ANKRD36B: variants seen among roughly 807,000 people sequenced by gnomAD.
ANKRD36B encodes ankyrin repeat domain-containing protein 36B.
Under a neutral mutation model 135.7 loss-of-function variants are expected in ANKRD36B, and 37 were observed. The observed-to-expected ratio is 0.27, with a 90% CI of 0.21 to 0.36. ANKRD36B has a LOEUF of 0.36. Ranked by LOEUF, ANKRD36B falls within the 10% of genes least tolerant of loss-of-function variation. The pLI is 1.00. For missense variants in ANKRD36B, 549 were observed against 1,037.1 expected (o/e 0.53, Z 6.46); for synonymous variants, 179 against 348.1 (o/e 0.51, Z 5.41).
chr2:97,572,928 TTTTTTTATAC>T (rs1194867246), intron 6 of ANKRD36B, among the ~76,000 whole-genome samples: 1 of 151,980 alleles, frequency 6.6e-6, no homozygotes, highest in East Asian at 1.9e-4. Flanking sequence ...TCTTTTTTTT[TTTTTTTATAC>T]TTTTAGAGTA....
intron 8 of ANKRD36B, among the ~76,000 whole-genome samples, chr2:97,559,346 C>T (rs2080819105): frequency 6.6e-6 from 1 of 151,862 alleles, no homozygotes; most frequent in East Asian, 1.9e-4. Context: ...GGTACATGAT[C>T]CCTCATGTCT....
intron 6 of ANKRD36B, among the ~76,000 whole-genome samples, chr2:97,566,830 TTTC>T: frequency 6.6e-6 from 1 of 152,124 alleles, no homozygotes; most frequent in Non-Finnish European, 1.5e-5. Context: ...GCACAGAAGA[TTTC>T]TGTGACCAAA....
intron 3 of ANKRD36B, among the ~76,000 whole-genome samples, chr2:97,584,519 A>C (rs1381759715): frequency 2.6e-5 from 4 of 152,056 alleles, no homozygotes; most frequent in Non-Finnish European, 2.9e-5. Flanking sequence ...ACTTGTCAAC[A>C]GCAACAACAT....
rs1291774815 is a variant in ANKRD36B, at chr2:97,589,409, C to G, written c.161+116G>C. On this transcript the variant is annotated intron_variant, in intron 1 of 43. Transcript: ENST00000359901. ...CCCACCCCAGCCAGGCACCCCCTAG[C>G]CCCCGTCCATACCCCGAGCCCCGGA... The G allele has an allele frequency of 7.0e-6, 4 of 570,602 alleles. No individual in the cohort carries two copies. The East Asian group carries it at 1.4e-4, about 20-fold the overall frequency. 35.3% of individuals were successfully genotyped at this position (570,602 alleles called of 1,614,324 possible). A position where few individuals can be genotyped will look rare whatever the true frequency, so the allele number is the denominator to read the frequency against.
intron 43 of ANKRD36B, among the ~76,000 whole-genome samples, chr2:97,501,224 ATACTAAT>A (rs2077347511): frequency 9.0e-5 from 1 of 11,126 alleles, no homozygotes; most frequent in Admixed American, 4.3e-4. Flanking sequence ...TAAAGAACTA[ATACTAAT>A]TACTCTCAAA....
Position 97,528,316 on chromosome 2 carries a change from C to T in ANKRD36B, c.2265+3995G>A, listed in dbSNP as rs1377657542. Among the ~76,000 whole-genome samples, 9 of 93,658 alleles carry T rather than the reference C, an allele frequency of 9.6e-5. 1 individual carries two copies. The highest frequency in any genetic ancestry group is 4.8e-4 in the East Asian group (2 of 4,204). The allele number at this position is 93,658 out of a possible 152,430, so 61.4% of individuals were successfully genotyped here. A position where few individuals can be genotyped will look rare whatever the true frequency, so the allele number is the denominator to read the frequency against. On this transcript the variant is annotated intron_variant, in intron 35 of 43. Transcript: ENST00000359901. ...TCCTGAATGACTACTGGGTACATAACGAAATGAAGGCAGAAATAAAGATGT... is the reference window on the plus strand; with the variant it reads ...TCCTGAATGACTACTGGGTACATAATGAAATGAAGGCAGAAATAAAGATGT...
intron 4 of ANKRD36B, 114 bp from the exon 5 acceptor site, chr2:97,579,157 A>G (rs1417666095): frequency 8.2e-7 from 1 of 1,217,932 alleles, no homozygotes; most frequent in African/African-American, 1.5e-5. Context: ...AATTACATGT[A>G]CTAAGAAACA....
intron 8 of ANKRD36B, among the ~76,000 whole-genome samples, chr2:97,559,958 A>C (rs942130787): frequency 1.3e-4 from 20 of 151,934 alleles, no homozygotes; most frequent in Non-Finnish European, 2.2e-4. Context: ...TTTTATAAGT[A>C]AAGTCAACAA....
intron 16 of ANKRD36B, among the ~76,000 whole-genome samples, chr2:97,552,967 T>C (rs1184875728): frequency 6.6e-6 from 1 of 151,930 alleles, no homozygotes; most frequent in African/African-American, 2.4e-5. Context: ...AAGTGTATAA[T>C]CTTACTGCGA....
At chr2:97,546,123 A>C (rs921947443) in intron 22 of ANKRD36B, among the ~76,000 whole-genome samples, 2 of 151,742 alleles carry the variant, frequency 1.3e-5, no homozygotes, top group East Asian at 1.9e-4. Context: ...CCCTGTCAAT[A>C]TCAATGTCGA....
At chr2:97,566,836 T>G in intron 6 of ANKRD36B, among the ~76,000 whole-genome samples, 1 of 152,160 alleles carries the variant, frequency 6.6e-6, no homozygotes, top group Non-Finnish European at 1.5e-5. Context: ...AAGATTTCTG[T>G]GACCAAATAT....
At chr2:97,566,030 C>T (rs2081401439) in intron 6 of ANKRD36B, among the ~76,000 whole-genome samples, 2 of 151,844 alleles carry the variant, frequency 1.3e-5, no homozygotes, top group South Asian at 4.2e-4. Context: ...AAAAATCATA[C>T]AGGCTGGGCA....
chr2:97,538,124 C>G (rs1473685123), intron 32 of ANKRD36B, 44 bp downstream of exon 32: 1 of 947,626 alleles, frequency 1.1e-6, no homozygotes, highest in African/African-American at 1.7e-5. Flanking sequence ...ACGTTGTCTT[C>G]TATCTTGAGT....
At chr2:97,509,109 T>C (rs1576759322) in intron 40 of ANKRD36B, among the ~76,000 whole-genome samples, 2 of 65,902 alleles carry the variant, frequency 3.0e-5, no homozygotes, top group South Asian at 4.6e-4. Context: ...GAAATACGTA[T>C]ACACAGGTTC....
In ANKRD36B at chr2:97,545,526, G is replaced by C; in HGVS notation, c.1681+140C>G. 2 of 509,774 alleles carry C rather than the reference G, an allele frequency of 3.9e-6. 1 individual carries two copies. The allele number at this position is 509,774 out of a possible 1,614,324, so 31.6% of individuals were successfully genotyped here. ...GGACCACAGCATCAGGGTCACCCGA[G>C]AACTTATTACAAATGAATAATCTCA... On this transcript the variant is annotated intron_variant, in intron 24 of 43. Transcript: ENST00000359901.
At chr2:97,585,242 A>G in intron 2 of ANKRD36B, 42 bp downstream of exon 2, 1 of 1,572,012 alleles carries the variant, frequency 6.4e-7, no homozygotes, top group South Asian at 1.2e-5. Flanking sequence ...TATGTACTTC[A>G]ACCAAATCCA....
chr2:97,572,574 C>T (rs1325188659), intron 6 of ANKRD36B, among the ~76,000 whole-genome samples: 1 of 149,086 alleles, frequency 6.7e-6, no homozygotes, highest in African/African-American at 2.5e-5. Flanking sequence ...ATCACTTACA[C>T]TGTCACTGTG....
At position 97,494,672 on chromosome 2, in the gene ANKRD36B, T is replaced by C. The variant is rs2077285170; in HGVS notation, c.*7-1817A>G. On this transcript the variant is annotated intron_variant, in intron 43 of 43. Coordinates refer to ENST00000359901, the MANE Select transcript of ANKRD36B (RefSeq NM_001393939.1). ...TCTTTAACTTTGGACAATTTGATTATAGTGTATCTTGTTGTGAGTCCCTGG... is the reference window on the plus strand; with the variant it reads ...TCTTTAACTTTGGACAATTTGATTACAGTGTATCTTGTTGTGAGTCCCTGG... 2.0e-5 allele frequency among the ~76,000 whole-genome samples: 2 copies of C among 99,862 alleles called. 1 individual carries two copies. Among genetic ancestry groups the C allele is most frequent in the Non-Finnish European group, 5.7e-5 (2 of 34,980 alleles). The allele number at this position is 99,862 out of a possible 152,430, so 65.5% of individuals were successfully genotyped here. A position where few individuals can be genotyped will look rare whatever the true frequency, so the allele number is the denominator to read the frequency against.
intron 4 of ANKRD36B, among the ~76,000 whole-genome samples, chr2:97,579,974 GTGAACCTAAAGCT>G: frequency 6.6e-6 from 1 of 152,308 alleles, no homozygotes; most frequent in Non-Finnish European, 1.5e-5. Flanking sequence ...CCAGTCCTGT[GTGAACCTAAAGCT>G]TGTCTTCATT....
Sources: allele counts gnomAD v4.1 joint callset (sites outside exome capture counted in the v4.1 genomes callset), GRCh38; gene constraint gnomAD v4.1.1; transcripts MANE v1.5; gene names NCBI Gene and HGNC (gene_info 2026-07-23, HGNC 2026-07-21).